Variants in NECTIN4 observed in about 807,000 individuals in gnomAD.
NECTIN4 encodes the protein nectin cell adhesion molecule 4.
NECTIN4 carries 19 observed loss-of-function variants against 51.7 expected under a neutral mutation model. The observed-to-expected ratio is 0.37, with a 90% CI of 0.26 to 0.54. The LOEUF (loss-of-function observed/expected upper bound fraction) is 0.54, where lower values mean the gene tolerates loss of function less well. Among genes scored for constraint, NECTIN4 ranks in the 20% least tolerant of loss-of-function variants. The pLI is 0.86. For synonymous variants in NECTIN4, 283 were observed against 286.9 expected (o/e 0.99, Z 0.14); for missense variants, 619 against 662.4 (o/e 0.93, Z 0.72).
chr1:161,087,737 C>T (rs1418487742), intron 1 of NECTIN4, among the ~76,000 whole-genome samples: 1 of 151,842 alleles, frequency 6.6e-6, no homozygotes, highest in East Asian at 1.9e-4. Flanking sequence ...ATTGGCTCCT[C>T]AGTTCAGAGT....
At chr1:161,088,905 C>A (rs551658668) in intron 1 of NECTIN4, among the ~76,000 whole-genome samples, 2 of 150,630 alleles carry the variant, frequency 1.3e-5, no homozygotes, top group South Asian at 2.1e-4. Context: ...ACCTGCCTGC[C>A]CATCTACACT....
rs928187228 is a variant in NECTIN4, at chr1:161,088,775, A to G, written c.79+443T>C. 2.6e-5 allele frequency among the ~76,000 whole-genome samples: 4 copies of G among 152,288 alleles called. No homozygotes were observed. In the South Asian group the frequency reaches 6.2e-4, roughly 24 times the overall value. ...GCATCAGGCTTCCTGCACCCTGATGACTGCAGAAACCAGCTGAGCTCTGAG... is the reference window on the plus strand; with the variant it reads ...GCATCAGGCTTCCTGCACCCTGATGGCTGCAGAAACCAGCTGAGCTCTGAG... On this transcript the variant is annotated intron_variant, in intron 1 of 8. Coordinates refer to ENST00000368012, the MANE Select transcript of NECTIN4 (RefSeq NM_030916.3).
Position 161,074,763 on chromosome 1 carries a change from G to T in NECTIN4, c.852-4C>A. 6.2e-7 allele frequency: 1 copy of T among 1,612,920 alleles called. No homozygotes were observed. Among genetic ancestry groups the T allele is most frequent in the Non-Finnish European group, 8.5e-7 (1 of 1,179,812 alleles). ...ACTGGGCAGAGGCCCATCCAGCCTG[G>T]AAGACAGGGAAGCTGAAGGGTGCCA... is the stretch of plus-strand genomic sequence containing the variant. On this transcript the variant is annotated splice_region_variant and splice_polypyrimidine_tract_variant and intron_variant, in intron 4 of 8. Transcript: ENST00000368012.
intron 7 of NECTIN4, among the ~76,000 whole-genome samples, 153 bp from the exon 8 acceptor site, chr1:161,073,452 C>T (rs1247876938): frequency 6.6e-6 from 1 of 152,230 alleles, no homozygotes; most frequent in Admixed American, 6.5e-5. Flanking sequence ...CTCATTTCCC[C>T]ACTGCGACCA....
At position 161,089,219 on chromosome 1, in the gene NECTIN4, T is replaced by C; in HGVS notation, c.78A>G (p.Thr26=). The C allele has an allele frequency of 1.2e-6, 2 of 1,613,204 alleles. No homozygotes were observed. Among genetic ancestry groups the C allele is most frequent in the Non-Finnish European group, 1.7e-6 (2 of 1,179,982 alleles). The change falls in exon 1 of 9, where the codon ACA becomes ACG. Residue 26 remains threonine (T), a splice_region_variant and synonymous_variant. Coordinates refer to ENST00000368012, the MANE Select transcript of NECTIN4 (RefSeq NM_030916.3). This position sits in a 1 kb window ranked among gnomAD's most constrained non-coding sequence, Gnocchi z 4.1. ...CCTGATGGTTCAGGCAAGTCCTACC[T>C]GTAAATGATGCCAGCAGTAGCAGCA... The part of the protein sequence containing the change: ...LLLLLLLASF[T]GRCPAGELET...
Position 161,072,025 on chromosome 1 carries a change from T to G in NECTIN4, c.*636A>C, listed in dbSNP as rs1461378354. On this transcript the variant is annotated 3_prime_UTR_variant, in exon 9 of 9. Coordinates refer to ENST00000368012, the MANE Select transcript of NECTIN4 (RefSeq NM_030916.3). Reference sequence around the variant, plus strand: ...GCCACCAGAGGGCAGAGGGCTTCTGTAACAGTTCAAGCCTCTGGCTGACCC... The same window carrying G: ...GCCACCAGAGGGCAGAGGGCTTCTGGAACAGTTCAAGCCTCTGGCTGACCC... The G allele has an allele frequency of 6.2e-6, 1 of 160,992 alleles. No homozygotes were observed. Among genetic ancestry groups the G allele is most frequent in the Non-Finnish European group, 1.4e-5 (1 of 72,596 alleles). 10.0% of individuals were successfully genotyped at this position (160,992 alleles called of 1,614,324 possible). A position where few individuals can be genotyped will look rare whatever the true frequency, so the allele number is the denominator to read the frequency against.
chr1:161,086,787 GCCCA>G (rs1653968283), intron 1 of NECTIN4: 1 of 152,404 alleles, frequency 6.6e-6, no homozygotes, highest in Non-Finnish European at 1.5e-5. Context: ...AGCTCTAATG[GCCCA>G]GGATTTGGGT....
chr1:161,075,473 T>C (rs1653376951), intron 4 of NECTIN4, among the ~76,000 whole-genome samples: 2 of 152,244 alleles, frequency 1.3e-5, no homozygotes, highest in East Asian at 3.8e-4. Context: ...TATTTCACAA[T>C]TTAAAAGTTA....
chr1:161,077,086 T>C (rs1167926644), intron 3 of NECTIN4, among the ~76,000 whole-genome samples: 11 of 152,196 alleles, frequency 7.2e-5, no homozygotes, highest in African/African-American at 2.7e-4. Context: ...ATGAAGAAAA[T>C]GAAGCCTAAC....
chr1:161,073,430 GAAAC>G, intron 7 of NECTIN4, 131 bp from the exon 8 acceptor site: 1 of 781,360 alleles, frequency 1.3e-6, no homozygotes, highest in Non-Finnish European at 2.2e-6. Flanking sequence ...TTCTCTCCTG[GAAAC>G]AAACATCCTC....
intron 1 of NECTIN4, among the ~76,000 whole-genome samples, chr1:161,088,196 G>T (rs1654034490): frequency 2.0e-5 from 3 of 152,140 alleles, no homozygotes. Context: ...AGCTTTGGCT[G>T]GAGATGGAGG....
intron 2 of NECTIN4, 138 bp downstream of exon 2, chr1:161,079,452 G>T: frequency 3.4e-6 from 4 of 1,167,938 alleles, no homozygotes; most frequent in South Asian, 1.5e-5. Context: ...ATAGCTAGCT[G>T]GATGAAGCTC....
chr1:161,074,547 T>C (rs752086373), intron 5 of NECTIN4, 64 bp downstream of exon 5: 1 of 1,603,148 alleles, frequency 6.2e-7, no homozygotes, highest in Admixed American at 1.7e-5. Context: ...CTGTCTTGCT[T>C]CCTGCTGCCC....
Position 161,079,764 on chromosome 1 carries a change from G to A in NECTIN4, c.265C>T (p.His89Tyr), listed in dbSNP as rs781524451. ...CGGCCCTCGTAAGCCGGGCTCACAT[G>A]AAGCCCGTATTTGGAGTGCAGTAGC... The part of the protein sequence containing the change: ...LALLHSKYGL[H>Y]VSPAYEGRVE... Residue 89 changes from histidine (H) to tyrosine (Y), a missense_variant, in exon 2 of 9, where the codon CAT (histidine) becomes TAT (tyrosine). Coordinates refer to ENST00000368012, the MANE Select transcript of NECTIN4 (RefSeq NM_030916.3). The A allele has an allele frequency of 6.2e-7, 1 of 1,612,398 alleles. No homozygotes were observed. Among genetic ancestry groups the A allele is most frequent in the Admixed American group, 1.7e-5 (1 of 60,026 alleles).
At chr1:161,084,085 A>G (rs1653817854) in intron 1 of NECTIN4, among the ~76,000 whole-genome samples, 1 of 152,184 alleles carries the variant, frequency 6.6e-6, no homozygotes, top group Admixed American at 6.5e-5. Flanking sequence ...GGGAGTAAGT[A>G]TGAGTTTTTT....
chr1:161,075,803 C>T (rs1197241012), intron 4 of NECTIN4, among the ~76,000 whole-genome samples: 1 of 151,702 alleles, frequency 6.6e-6, no homozygotes, highest in East Asian at 1.9e-4. Context: ...AAGGGCTGGG[C>T]GTGGTGGCTC....
intron 1 of NECTIN4, among the ~76,000 whole-genome samples, chr1:161,081,615 C>T (rs1028382045): frequency 6.6e-5 from 10 of 152,094 alleles, no homozygotes; most frequent in Admixed American, 1.3e-4. Flanking sequence ...TGCCTTGGAA[C>T]GCGTGCCCCA....
rs552876351 is a variant in NECTIN4 at position 161,074,256 on chromosome 1, C to T, written c.1118G>A (p.Arg373Gln). 25 of 1,614,098 alleles carry T rather than the reference C, an allele frequency of 1.5e-5. No homozygotes were observed. The African/African-American group carries it at 1.7e-4, about 11-fold the overall frequency. ...CTGCTGGGCCTTGCGCCGATGGTAT[C>T]GGGACATGAGCACCACCACCACCAC... is the stretch of plus-strand genomic sequence containing the variant. ...LLVVVVVLMS[R>Q]YHRRKAQQMT... Residue 373 changes from arginine to glutamine, a missense_variant, in exon 6 of 9, where the codon CGA becomes CAA. Physicochemically the swap from Arg to Gln is conservative, Grantham distance 43. Coordinates refer to ENST00000368012, the MANE Select transcript of NECTIN4 (RefSeq NM_030916.3).
chr1:161,077,416 C>A (rs1466231493), intron 3 of NECTIN4, 37 bp downstream of exon 3: 2 of 1,611,656 alleles, frequency 1.2e-6, no homozygotes, highest in Admixed American at 3.3e-5. Context: ...TGCTGAGAAC[C>A]CCTTGGGCCT....
Sources: gnomAD v4.1 joint callset for allele counts (sites outside exome capture counted in the v4.1 genomes callset) on GRCh38, gnomAD v4.1.1 for gene constraint, Gnocchi (gnomAD v3.1) non-coding constraint, MANE v1.5 for transcripts, NCBI Gene and HGNC (gene_info 2026-07-23, HGNC 2026-07-21) for gene names.